TBC1D23: variants seen among roughly 807,000 people sequenced by gnomAD.
TBC1D23 encodes the protein TBC1 domain family member 23.
Under a neutral mutation model 91.4 loss-of-function variants are expected in TBC1D23, and 55 were observed. That is an observed-to-expected ratio of 0.60 (90% confidence interval 0.48 to 0.75). The LOEUF is 0.75. TBC1D23 is among the 30% of genes least tolerant of loss of function. The probability of loss-of-function intolerance (pLI) is 0.00; values close to 1 mark genes in which losing one functional copy is unlikely to be tolerated. For synonymous variants in TBC1D23, 289 were observed against 281.0 expected (o/e 1.03, Z -0.28); for missense variants, 725 against 836.1 (o/e 0.87, Z 1.64).
intron 1 of TBC1D23, among the ~76,000 whole-genome samples, chr3:100,278,693 A>C (rs1171153212): frequency 6.6e-6 from 1 of 152,060 alleles, no homozygotes; most frequent in East Asian, 1.9e-4. Context: ...TGGAATTGAT[A>C]ATTTAACTGG....
At chr3:100,278,198 C>A (rs277637) in intron 1 of TBC1D23, among the ~76,000 whole-genome samples, 133,273 of 152,184 alleles carry the variant, frequency 0.88, 59,555 homozygotes, top group Non-Finnish European at 0.98. Flanking sequence ...TCAGAACCAC[C>A]AAAATGGGAC....
intron 7 of TBC1D23, among the ~76,000 whole-genome samples, chr3:100,295,616 C>G (rs943929960): frequency 6.6e-6 from 1 of 152,002 alleles, no homozygotes; most frequent in Non-Finnish European, 1.5e-5. Flanking sequence ...ATAGATTGCC[C>G]TCCTCTGTTC....
At chr3:100,311,725 T>C in intron 14 of TBC1D23, 108 bp from the exon 15 acceptor site, 5 of 724,036 alleles carry the variant, frequency 6.9e-6, no homozygotes, top group Middle Eastern at 4.8e-4. Context: ...TTCTTTATAA[T>C]GTACACTCTG....
chr3:100,264,263 C>A lies in TBC1D23; in HGVS notation c.53+3192C>A, dbSNP rs2067540222. On this transcript the variant is annotated intron_variant, in intron 1 of 18. Transcript: ENST00000394144. ...CTGGGGACTACAGGTGTGCCCCATC[C>A]ATCCGGGTGTTCTACTCTGTCTTTC... Among the ~76,000 whole-genome samples the A allele has an allele frequency of 2.0e-5, 3 of 152,178 alleles. No homozygotes were observed. In the South Asian group the frequency reaches 6.2e-4, roughly 31 times the overall value.
At chr3:100,270,085 G>A (rs560959084) in intron 1 of TBC1D23, among the ~76,000 whole-genome samples, 59 of 152,296 alleles carry the variant, frequency 3.9e-4, no homozygotes, top group African/African-American at 1.4e-3. Flanking sequence ...TGTTCAACAG[G>A]ATTTAGATGA....
At chr3:100,311,422 C>G (rs903564177) in intron 14 of TBC1D23, among the ~76,000 whole-genome samples, 2 of 152,054 alleles carry the variant, frequency 1.3e-5, no homozygotes, top group East Asian at 3.8e-4. Flanking sequence ...AACATTGTAC[C>G]TTATCTAAAA....
At chr3:100,310,830 C>T (rs537328638) in intron 14 of TBC1D23, among the ~76,000 whole-genome samples, 1 of 152,288 alleles carries the variant, frequency 6.6e-6, no homozygotes, top group East Asian at 1.9e-4. Flanking sequence ...ATAGTAGCTG[C>T]TTCCCAAATG....
At chr3:100,311,911 A>G in intron 15 of TBC1D23, 34 bp downstream of exon 15, 2 of 1,454,464 alleles carry the variant, frequency 1.4e-6, no homozygotes, top group Non-Finnish European at 1.9e-6. Context: ...TTCTTGAACC[A>G]TCCTTTTCCT....
At chr3:100,284,776 A>G (rs1406086176) in intron 4 of TBC1D23, among the ~76,000 whole-genome samples, 1 of 152,202 alleles carries the variant, frequency 6.6e-6, no homozygotes, top group Non-Finnish European at 1.5e-5. Flanking sequence ...GAAACTTTAG[A>G]CATAGTCTAG....
rs1480677915 is a variant in TBC1D23, at chr3:100,283,688, G to A, written c.353G>A (p.Arg118His). Reference protein sequence around the residue: ...ESVITFYCKSRNIKYSTSLSW... With the variant: ...ESVITFYCKSHNIKYSTSLSW... The stretch of plus-strand genomic sequence containing the variant: ...GTAATTACCTTTTATTGTAAATCAC[G>A]TAACATTAAATATAGCACATCCCTT... Residue 118 changes from arginine to histidine, a missense_variant, in exon 4 of 19, where the codon CGT (arginine) becomes CAT (histidine). Transcript: ENST00000394144. 3 of 1,612,008 alleles carry A rather than the reference G, an allele frequency of 1.9e-6. No individual in the cohort carries two copies. Among genetic ancestry groups the A allele is most frequent in the Non-Finnish European group, 2.5e-6 (3 of 1,178,108 alleles).
At chr3:100,313,101 A>G (rs1395245642) in intron 15 of TBC1D23, among the ~76,000 whole-genome samples, 1 of 152,092 alleles carries the variant, frequency 6.6e-6, no homozygotes, top group East Asian at 1.9e-4. Flanking sequence ...CTATGCCTAC[A>G]CAACGCCAAT....
chr3:100,304,504 A>G (rs1705484686), intron 11 of TBC1D23, among the ~76,000 whole-genome samples: 1 of 152,152 alleles, frequency 6.6e-6, no homozygotes, highest in African/African-American at 2.4e-5. Context: ...GACCCAAAAT[A>G]TTTTGAAAGC....
chr3:100,291,418 C>G (rs1263636463), intron 5 of TBC1D23, among the ~76,000 whole-genome samples: 1 of 152,076 alleles, frequency 6.6e-6, no homozygotes, highest in African/African-American at 2.4e-5. Context: ...CTTGTCTCTA[C>G]TAAAAATACA....
intron 10 of TBC1D23, 174 bp from the exon 11 acceptor site, chr3:100,301,893 C>G: frequency 1.8e-6 from 1 of 557,586 alleles, no homozygotes; most frequent in South Asian, 2.5e-5. Flanking sequence ...ATTATAGATA[C>G]ATTTATAAAT....
At chr3:100,276,082 T>G (rs2067646062) in intron 1 of TBC1D23, among the ~76,000 whole-genome samples, 2 of 138,942 alleles carry the variant, frequency 1.4e-5, no homozygotes, top group East Asian at 5.0e-4. Context: ...AGAAAGATAC[T>G]TGTTAAAAAA....
rs749510493 is a variant in TBC1D23 at position 100,320,890 on chromosome 3, C to T, written c.1937C>T (p.Ser646Phe). Residue 646 changes from serine to phenylalanine, a missense_variant, in exon 18 of 19, where the codon TCC becomes TTC. Transcript: ENST00000394144. Reference protein sequence around the residue: ...QALNSVVKITSKKKHPELITF... With the variant: ...QALNSVVKITFKKKHPELITF... The stretch of plus-strand genomic sequence containing the variant: ...CTGAATTCTGTAGTTAAAATTACAT[C>T]CAAAAAAAAACATCCTGAACTCATT... The T allele has an allele frequency of 2.5e-6, 4 of 1,611,254 alleles. No homozygotes were observed. Among genetic ancestry groups the T allele is most frequent in the Non-Finnish European group, 2.5e-6 (3 of 1,178,858 alleles).
At chr3:100,283,478 T>C (rs2067712242) in intron 3 of TBC1D23, 129 bp from the exon 4 acceptor site, 2 of 620,960 alleles carry the variant, frequency 3.2e-6, no homozygotes, top group South Asian at 2.2e-5. Context: ...AAATATACTT[T>C]CATGTAGTTT....
At chr3:100,290,765 G>T in intron 5 of TBC1D23, 64 bp downstream of exon 5, 5 of 1,322,108 alleles carry the variant, frequency 3.8e-6, no homozygotes, top group South Asian at 3.3e-5. Flanking sequence ...TAGTTAGGTG[G>T]GTTTTTTTTT....
intron 5 of TBC1D23, among the ~76,000 whole-genome samples, chr3:100,291,850 C>T (rs1228675114): frequency 2.0e-5 from 3 of 148,254 alleles, no homozygotes; most frequent in African/African-American, 5.0e-5. Context: ...GCTGGAGTGC[C>T]GTGGCTCCCA....
Sources: allele counts gnomAD v4.1 joint callset (sites outside exome capture counted in the v4.1 genomes callset), GRCh38; gene constraint gnomAD v4.1.1; transcripts MANE v1.5; gene names NCBI Gene and HGNC (gene_info 2026-07-23, HGNC 2026-07-21).